Variants in EED observed in about 807,000 individuals in gnomAD.
EED encodes the protein embryonic ectoderm development, also known as polycomb protein EED.
In EED, 9 loss-of-function variants were observed where a neutral mutation model predicts 61.0. The observed-to-expected ratio is 0.15, with a 90% CI of 0.09 to 0.26. EED has a LOEUF of 0.26. Ranked by LOEUF, EED falls within the 10% of genes least tolerant of loss-of-function variation. The pLI, the probability that EED is intolerant of heterozygous loss-of-function variation, is 1.00. For synonymous variants in EED, 187 were observed against 174.4 expected (o/e 1.07, Z -0.57); for missense variants, 315 against 542.3 (o/e 0.58, Z 4.16).
At chr11:86,276,165 A>G (rs990680136) in intron 9 of EED, 2 of 152,188 alleles carry the variant, frequency 1.3e-5, no homozygotes, top group East Asian at 1.9e-4. Flanking sequence ...GCACAGACAC[A>G]TTGTCAAATG....
At chr11:86,266,258 A>T in intron 8 of EED, 42 bp downstream of exon 8, 1 of 1,515,868 alleles carries the variant, frequency 6.6e-7, no homozygotes, top group Non-Finnish European at 8.9e-7. Context: ...ATGTTGTGCT[A>T]TTGAATATAA....
At chr11:86,277,167 G>T in intron 10 of EED, 29 bp downstream of exon 10, 2 of 1,532,872 alleles carry the variant, frequency 1.3e-6, no homozygotes, top group South Asian at 1.3e-5. Flanking sequence ...ATTTTGAAAT[G>T]ATCTGACTTA....
In EED at chr11:86,244,847, G is replaced by A. The variant is rs1215963240; in HGVS notation, c.-383G>A. ...TCTTTGGAAGGAGGAAGGGGGTGAG[G>A]GAGCATCCCTTTGAGTTTCGCCTCT... is the stretch of plus-strand genomic sequence containing the variant. On this transcript the variant is annotated 5_prime_UTR_variant, in exon 1 of 12. Coordinates refer to ENST00000263360, the MANE Select transcript of EED (RefSeq NM_003797.5). 8.0e-6 allele frequency: 2 copies of A among 248,978 alleles called. No homozygotes were observed. Among genetic ancestry groups the A allele is most frequent in the Non-Finnish European group, 1.6e-5 (2 of 128,366 alleles). 15.4% of individuals were successfully genotyped at this position (248,978 alleles called of 1,614,324 possible).
At chr11:86,263,959 A>G (rs1945909514) in intron 6 of EED, 2 of 515,652 alleles carry the variant, frequency 3.9e-6, no homozygotes, top group Admixed American at 6.7e-5. Flanking sequence ...TTTCTAGCAC[A>G]TGCTTTTGGG....
At chr11:86,266,826 G>C (rs1476255630) in intron 8 of EED, among the ~76,000 whole-genome samples, 1 of 152,104 alleles carries the variant, frequency 6.6e-6, no homozygotes, top group Admixed American at 6.5e-5. Flanking sequence ...TTATCAGGCT[G>C]TCATTAACAC....
chr11:86,257,454 T>C, intron 5 of EED, 61 bp from the exon 6 acceptor site: 1 of 1,382,504 alleles, frequency 7.2e-7, no homozygotes, highest in East Asian at 2.5e-5. Context: ...TCTAAAGATT[T>C]ATGAAAAAAA....
intron 6 of EED, 115 bp downstream of exon 6, chr11:86,257,711 C>T (rs1945714032): frequency 1.4e-6 from 1 of 706,630 alleles, no homozygotes; most frequent in Non-Finnish European, 2.2e-6. Flanking sequence ...AGTCCACATG[C>T]TTGTATGTCT....
intron 6 of EED, 91 bp from the exon 7 acceptor site, chr11:86,264,081 C>G: frequency 1.0e-6 from 1 of 975,724 alleles, no homozygotes; most frequent in Non-Finnish European, 1.6e-6. Flanking sequence ...GCATAACTTA[C>G]ATCTAGACTT....
intron 6 of EED, among the ~76,000 whole-genome samples, chr11:86,257,888 C>T (rs1440481329): frequency 6.6e-6 from 1 of 152,190 alleles, no homozygotes; most frequent in Non-Finnish European, 1.5e-5. Context: ...TAATCCTTCT[C>T]ATTTTTTTCT....
At chr11:86,283,968 G>A in the EED span, 5 of 152,132 alleles carry the variant, frequency 3.3e-5, no homozygotes, top group Non-Finnish European at 7.3e-5. Context: ...AGGAGAAATA[G>A]CAGGTGGTTC....
At chr11:86,274,266 T>A (rs748095165) in intron 9 of EED, among the ~76,000 whole-genome samples, 4 of 152,238 alleles carry the variant, frequency 2.6e-5, no homozygotes, top group Non-Finnish European at 5.9e-5. Context: ...CTAAGTATGT[T>A]TGCATTCATT....
chr11:86,244,836 A>C lies in EED; in HGVS notation c.-394A>C, dbSNP rs1442834691. 4 of 241,918 alleles carry C rather than the reference A, an allele frequency of 1.7e-5. No homozygotes were observed. The highest frequency in any genetic ancestry group is 1.6e-5 in the Non-Finnish European group (2 of 123,642). 15.0% of individuals were successfully genotyped at this position (241,918 alleles called of 1,614,324 possible). A position where few individuals can be genotyped will look rare whatever the true frequency, so the allele number is the denominator to read the frequency against. On this transcript the variant is annotated 5_prime_UTR_variant, in exon 1 of 12. Coordinates refer to ENST00000263360, the MANE Select transcript of EED (RefSeq NM_003797.5). ...CGGCTGAAACGTCTTTGGAAGGAGG[A>C]AGGGGGTGAGGGAGCATCCCTTTGA...
chr11:86,260,462 C>G (rs1314301085), intron 6 of EED, among the ~76,000 whole-genome samples: 1 of 152,180 alleles, frequency 6.6e-6, no homozygotes, highest in Non-Finnish European at 1.5e-5. Context: ...CTCCTGGCCT[C>G]AAAAGATCCT....
At chr11:86,270,337 G>C (rs1004809756) in intron 9 of EED, among the ~76,000 whole-genome samples, 3 of 135,352 alleles carry the variant, frequency 2.2e-5, no homozygotes, top group Admixed American at 8.0e-5. Flanking sequence ...TTTTCTAATT[G>C]GATTGGTTTT....
In EED at chr11:86,268,228, T is replaced by G. The variant is rs2270681; in HGVS notation, c.861-228T>G. Reference sequence around the variant, plus strand: ...CTACAATGTTTATAAACAAAGTATCTATCATAGGACAAAGATAAAATTGGA... The same window carrying G: ...CTACAATGTTTATAAACAAAGTATCGATCATAGGACAAAGATAAAATTGGA... On this transcript the variant is annotated intron_variant, in intron 8 of 11. Transcript: ENST00000263360. 136,646 of 363,002 alleles carry G rather than the reference T, an allele frequency of 0.38. 26,810 individuals are homozygous for G. The highest frequency in any genetic ancestry group is 0.41 in the Non-Finnish European group (83,255 of 202,518). The allele number at this position is 363,002 out of a possible 1,614,324, so 22.5% of individuals were successfully genotyped here. A position where few individuals can be genotyped will look rare whatever the true frequency, so the allele number is the denominator to read the frequency against.
rs537729143 is a variant in EED at position 86,254,616 on chromosome 11, G to T, written c.361-606G>T. Among the ~76,000 whole-genome samples the T allele has an allele frequency of 3.2e-3, 477 of 149,940 alleles. 3 individuals carry two copies. The highest frequency in any genetic ancestry group is 0.011 in the African/African-American group (454 of 40,742). ...TTAAAGACATGAGCCACTGTGTCCG[G>T]ACTTATTTTATTTTATTTTTTTTTG... On this transcript the variant is annotated intron_variant, in intron 3 of 11. Transcript: ENST00000263360.
Position 86,278,596 on chromosome 11 carries a change from G to A in EED, c.*71G>A. 1 of 1,563,008 alleles carries A rather than the reference G, an allele frequency of 6.4e-7. No individual in the cohort carries two copies. Among genetic ancestry groups the A allele is most frequent in the African/African-American group, 1.3e-5 (1 of 74,302 alleles). ...AAAATAGAATTAATGTATCTTGCTAGTAAGGGCACGTAGAGCATTTAGAGT... is the reference window on the plus strand; with the variant it reads ...AAAATAGAATTAATGTATCTTGCTAATAAGGGCACGTAGAGCATTTAGAGT... On this transcript the variant is annotated 3_prime_UTR_variant, in exon 12 of 12. Coordinates refer to ENST00000263360, the MANE Select transcript of EED (RefSeq NM_003797.5).
rs1170658258 is a variant in EED at position 86,256,428 on chromosome 11, C to T, written c.468C>T (p.Ser156=). The T allele has an allele frequency of 2.5e-6, 4 of 1,611,770 alleles. No individual in the cohort carries two copies. Among genetic ancestry groups the T allele is most frequent in the Non-Finnish European group, 1.7e-6 (2 of 1,178,494 alleles). The change falls in exon 5 of 12, where the codon AGC becomes AGT. Residue 156 remains serine (S), a synonymous_variant. Coordinates refer to ENST00000263360, the MANE Select transcript of EED (RefSeq NM_003797.5). ...ACACTTGTGCATGGACCTATGATAG[C>T]AATACGAGCCATCCTCTGCTGGCTG... The part of the protein sequence containing the change: ...NFYTCAWTYD[S]NTSHPLLAVA...
At chr11:86,263,899 A>G (rs546534640) in intron 6 of EED, 19 of 376,078 alleles carry the variant, frequency 5.1e-5, no homozygotes, top group African/African-American at 3.1e-4. Flanking sequence ...CATGACCTAA[A>G]TACCTCCCAT....
Sources: allele counts gnomAD v4.1 joint callset (sites outside exome capture counted in the v4.1 genomes callset), GRCh38; gene constraint gnomAD v4.1.1; transcripts MANE v1.5; gene names NCBI Gene and HGNC (gene_info 2026-07-23, HGNC 2026-07-21).